Variants in LRP5 observed in about 807,000 individuals in gnomAD.
LRP5 encodes the protein low-density lipoprotein receptor-related protein 5.
LRP5 carries 62 observed loss-of-function variants against 154.1 expected under a neutral mutation model. The ratio of observed to expected loss-of-function variants is 0.40; its 90% CI spans 0.33 to 0.50. The LOEUF is 0.50. LRP5 is among the 20% of genes least tolerant of loss of function. The probability of loss-of-function intolerance (pLI) is 0.55; values close to 1 mark genes in which losing one functional copy is unlikely to be tolerated. For synonymous variants in LRP5, 966 were observed against 1,011.5 expected (o/e 0.96, Z 0.85); for missense variants, 1,915 against 2,336.7 (o/e 0.82, Z 3.72).
intron 1 of LRP5, among the ~76,000 whole-genome samples, chr11:68,331,347 C>T (rs542291708): frequency 1.5e-4 from 23 of 152,368 alleles, no homozygotes; most frequent in African/African-American, 5.3e-4. Context: ...CAGGACTTTC[C>T]GGAGTAGCCA....
At chr11:68,442,257 C>A (rs1337814880) in intron 21 of LRP5, among the ~76,000 whole-genome samples, 1 of 152,202 alleles carries the variant, frequency 6.6e-6, no homozygotes, top group Non-Finnish European at 1.5e-5. Context: ...GATTCTTTCA[C>A]CTTATTCAGA....
At chr11:68,311,706 T>C (rs1346133236), upstream of LRP5, among the ~76,000 whole-genome samples, 2 of 152,254 alleles carry the variant, frequency 1.3e-5, no homozygotes, top group Non-Finnish European at 2.9e-5. Flanking sequence ...CTGCAAGCCC[T>C]CTCTGAACCT....
chr11:68,339,540 G>T (rs2098607681), intron 1 of LRP5, among the ~76,000 whole-genome samples: 1 of 152,038 alleles, frequency 6.6e-6, no homozygotes, highest in Non-Finnish European at 1.5e-5. Flanking sequence ...TAGAGATGGG[G>T]TTTCACCGTG....
intron 1 of LRP5, among the ~76,000 whole-genome samples, chr11:68,334,775 A>G (rs1423212843): frequency 6.6e-6 from 1 of 152,158 alleles, no homozygotes; most frequent in Non-Finnish European, 1.5e-5. Flanking sequence ...TGGGAGGCTG[A>G]GAATCACTTG....
chr11:68,309,199 C>T (rs1315598063), upstream of LRP5, among the ~76,000 whole-genome samples: 1 of 150,950 alleles, frequency 6.6e-6, no homozygotes, highest in Non-Finnish European at 1.5e-5. Context: ...TCCCAAAGTG[C>T]TGGGATTACA....
intron 19 of LRP5, among the ~76,000 whole-genome samples, chr11:68,437,771 C>T (rs1300561997): frequency 6.6e-6 from 1 of 152,252 alleles, no homozygotes; most frequent in Non-Finnish European, 1.5e-5. Flanking sequence ...GTGGGGGCCA[C>T]CAAGGGTCGC....
At chr11:68,361,747 A>G (rs2153138291) in intron 3 of LRP5, among the ~76,000 whole-genome samples, 1 of 151,920 alleles carries the variant, frequency 6.6e-6, no homozygotes, top group African/African-American at 2.4e-5. Flanking sequence ...GATTGAGCTT[A>G]GGAGATTGAG....
At chr11:68,357,212 G>A (rs952179810) in intron 2 of LRP5, among the ~76,000 whole-genome samples, 22 of 152,154 alleles carry the variant, frequency 1.4e-4, no homozygotes, top group Admixed American at 2.0e-4. Context: ...TGGGATTAGA[G>A]GTGTGAGCCA....
intron 1 of LRP5, among the ~76,000 whole-genome samples, chr11:68,341,113 C>T (rs1215817619): frequency 1.5e-5 from 2 of 136,798 alleles, no homozygotes; most frequent in Non-Finnish European, 3.0e-5. Flanking sequence ...AATATTGTGA[C>T]TCAGACGTTT....
intron 2 of LRP5, among the ~76,000 whole-genome samples, chr11:68,354,130 T>G (rs1429291791): frequency 6.6e-6 from 1 of 152,158 alleles, no homozygotes; most frequent in Admixed American, 6.5e-5. Context: ...AAATGCAAAA[T>G]GGCCCTTCCC....
At chr11:68,314,876 A>G (rs969284297) in intron 1 of LRP5, among the ~76,000 whole-genome samples, 1 of 152,222 alleles carries the variant, frequency 6.6e-6, no homozygotes, top group African/African-American at 2.4e-5. Flanking sequence ...TTCAGTTCCA[A>G]GAAATTCGCC....
chr11:68,445,847 AG>A (rs1285738405), intron 21 of LRP5, among the ~76,000 whole-genome samples: 2 of 152,200 alleles, frequency 1.3e-5, no homozygotes, highest in Admixed American at 6.5e-5. Context: ...GCCCTTGTGA[AG>A]GGGGTGCCTT....
Position 68,413,964 on chromosome 11 carries a change from G to C in LRP5, c.2779G>C (p.Gly927Arg), listed in dbSNP as rs764138752. Residue 927 changes from glycine (G) to arginine (R), a missense_variant, in exon 12 of 23, where the codon GGC becomes CGC. Gly to Arg is a moderately radical substitution (Grantham distance 125, BLOSUM62 -2). This residue lies in a region of LRP5 where 1,094 missense variants were observed against 1,210.1 expected (regional missense o/e 0.90). Coordinates refer to ENST00000294304, the MANE Select transcript of LRP5 (RefSeq NM_002335.4). This position sits in a 1 kb window ranked among gnomAD's most constrained non-coding sequence, Gnocchi z 5.1. The stretch of plus-strand genomic sequence containing the variant: ...TGCCATCCCCGGCGGCCACCGCTGC[G>C]GCTGCGCCTCACACTACACCCTGGA... The part of the protein sequence containing the change: ...CLAIPGGHRC[G>R]CASHYTLDPS... The C allele has an allele frequency of 1.2e-6, 2 of 1,607,382 alleles. No individual in the cohort carries two copies. Among genetic ancestry groups the C allele is most frequent in the African/African-American group, 2.7e-5 (2 of 74,934 alleles).
At chr11:68,309,096 G>T (rs2153109186), upstream of LRP5, among the ~76,000 whole-genome samples, 1 of 151,818 alleles carries the variant, frequency 6.6e-6, no homozygotes, top group South Asian at 2.1e-4. Flanking sequence ...ACCACGCCCG[G>T]CTAATTTTTT....
At chr11:68,371,429 A>G (rs911544662) in intron 5 of LRP5, among the ~76,000 whole-genome samples, 1 of 152,208 alleles carries the variant, frequency 6.6e-6, no homozygotes, top group African/African-American at 2.4e-5. Context: ...CAGACTTCAC[A>G]AAGCAGACCA....
intron 10 of LRP5, 38 bp from the exon 11 acceptor site, chr11:68,411,396 CAG>C (rs747800487): frequency 3.7e-6 from 6 of 1,600,488 alleles, no homozygotes; most frequent in African/African-American, 1.3e-5. Flanking sequence ...GCGGTGAGAG[CAG>C]ACTCACTGAG....
chr11:68,418,680 T>C (rs951840838), intron 13 of LRP5, among the ~76,000 whole-genome samples: 7 of 152,202 alleles, frequency 4.6e-5, no homozygotes, highest in Non-Finnish European at 1.0e-4. Context: ...GTCTGTGTCC[T>C]TGGTTGATGG....
intron 3 of LRP5, among the ~76,000 whole-genome samples, chr11:68,362,271 G>A (rs1313019418): frequency 6.6e-6 from 1 of 152,204 alleles, no homozygotes; most frequent in Non-Finnish European, 1.5e-5. Context: ...GGGGACTGGG[G>A]AGTGACTGCT....
At chr11:68,381,264 T>A (rs1438094146) in intron 5 of LRP5, among the ~76,000 whole-genome samples, 1 of 152,090 alleles carries the variant, frequency 6.6e-6, no homozygotes, top group African/African-American at 2.4e-5. Context: ...GGGATGCATG[T>A]CTTAGGGTGT....
Sources: gnomAD v4.1 joint callset for allele counts (sites outside exome capture counted in the v4.1 genomes callset) on GRCh38, gnomAD v4.1.1 for gene constraint, gnomAD v4.1.1 regional missense constraint, Gnocchi (gnomAD v3.1) non-coding constraint, MANE v1.5 for transcripts, NCBI Gene and HGNC (gene_info 2026-07-23, HGNC 2026-07-21) for gene names.